Variants in SLC35D4 observed in about 807,000 individuals in gnomAD.
SLC35D4 encodes UDP-N-acetylglucosamine transporter SLC35D4.
the SLC35D4 span, among the ~76,000 whole-genome samples, chr18:23,381,187 A>G: frequency 1.3e-5 from 2 of 152,372 alleles, no homozygotes; most frequent in East Asian, 3.9e-4. Context: ...CTCATGCTTC[A>G]ACCAATGTGG....
chr18:23,271,572 T>C, the SLC35D4 span, among the ~76,000 whole-genome samples: 1 of 152,276 alleles, frequency 6.6e-6, no homozygotes, highest in South Asian at 2.1e-4. Flanking sequence ...TCCTGAGTTA[T>C]AGACAGGCCT....
chr18:23,345,481 CAAAAAAAAAAAAAAAA>C, the SLC35D4 span, among the ~76,000 whole-genome samples: 5 of 57,248 alleles, frequency 8.7e-5, no homozygotes, highest in East Asian at 1.3e-3. Context: ...GACTCCATCT[CAAAAAAAAAAAAAAAA>C]AAAAAAAAAA....
the SLC35D4 span, among the ~76,000 whole-genome samples, chr18:23,285,082 T>C: frequency 1.3e-5 from 2 of 152,212 alleles, no homozygotes; most frequent in African/African-American, 2.4e-5. Context: ...TCACCCTTAG[T>C]GGCAAGTCCT....
chr18:23,335,262 C>A, the SLC35D4 span, among the ~76,000 whole-genome samples: 1 of 152,160 alleles, frequency 6.6e-6, no homozygotes, highest in Non-Finnish European at 1.5e-5. Context: ...TGCTAAAATT[C>A]TTCCAAATTT....
the SLC35D4 span, among the ~76,000 whole-genome samples, chr18:23,309,519 T>C: frequency 6.6e-6 from 1 of 152,076 alleles, no homozygotes; most frequent in African/African-American, 2.4e-5. Context: ...ATACAAGTTT[T>C]TTTTTTTTTA....
chr18:23,363,520 G>A, the SLC35D4 span, among the ~76,000 whole-genome samples: 31 of 151,346 alleles, frequency 2.0e-4, no homozygotes, highest in African/African-American at 5.8e-4. Flanking sequence ...GACTACAGGC[G>A]CCCGCCACCA....
At chr18:23,309,068 T>C in the SLC35D4 span, among the ~76,000 whole-genome samples, 25 of 152,274 alleles carry the variant, frequency 1.6e-4, no homozygotes, top group Admixed American at 1.5e-3. Flanking sequence ...ATGTAAATGC[T>C]ATGTAAATAG....
At chr18:23,284,921 G>A in the SLC35D4 span, among the ~76,000 whole-genome samples, 25 of 152,308 alleles carry the variant, frequency 1.6e-4, no homozygotes, top group East Asian at 4.6e-3. Flanking sequence ...CAGGGGATGC[G>A]TGGGCAGGTG....
chr18:23,315,430 C>A, the SLC35D4 span, among the ~76,000 whole-genome samples: 1 of 152,200 alleles, frequency 6.6e-6, no homozygotes, highest in African/African-American at 2.4e-5. Context: ...CCCTTGCCAT[C>A]GCACATGCCA....
At chr18:23,345,481 C>CAAAAAAAAA in the SLC35D4 span, among the ~76,000 whole-genome samples, 1 of 57,246 alleles carries the variant, frequency 1.7e-5, no homozygotes, top group Admixed American at 2.5e-4. Context: ...GACTCCATCT[C>CAAAAAAAAA]AAAAAAAAAA....
At chr18:23,352,900 G>A in the SLC35D4 span, among the ~76,000 whole-genome samples, 6 of 152,218 alleles carry the variant, frequency 3.9e-5, no homozygotes, top group Non-Finnish European at 4.4e-5. Flanking sequence ...AGCATCTTGG[G>A]GCTATTCAGG....
chr18:23,403,784 A>T, the SLC35D4 span, among the ~76,000 whole-genome samples: 1 of 152,182 alleles, frequency 6.6e-6, no homozygotes, highest in Non-Finnish European at 1.5e-5. Flanking sequence ...TGGATCAAGG[A>T]TCCTTTCCTG....
At chr18:23,348,386 T>C in the SLC35D4 span, among the ~76,000 whole-genome samples, 1 of 152,242 alleles carries the variant, frequency 6.6e-6, no homozygotes, top group South Asian at 2.1e-4. Context: ...TGTACTTCTA[T>C]ATTCACGCTT....
At chr18:23,362,738 C>T in the SLC35D4 span, among the ~76,000 whole-genome samples, 3 of 152,216 alleles carry the variant, frequency 2.0e-5, no homozygotes, top group African/African-American at 4.8e-5. Flanking sequence ...CTCTGCTAGT[C>T]GCCTACTCTG....
chr18:23,241,358 C>T, the SLC35D4 span, among the ~76,000 whole-genome samples: 1 of 152,028 alleles, frequency 6.6e-6, no homozygotes, highest in Non-Finnish European at 1.5e-5. Context: ...TGATGAAACT[C>T]TGTCTCTACT....
At chr18:23,287,238 A>G in the SLC35D4 span, among the ~76,000 whole-genome samples, 1 of 151,962 alleles carries the variant, frequency 6.6e-6, no homozygotes, top group Non-Finnish European at 1.5e-5. Context: ...GTGGTGCCAA[A>G]CCCATATACT....
chr18:23,269,999 A>G, the SLC35D4 span, among the ~76,000 whole-genome samples: 3 of 152,236 alleles, frequency 2.0e-5, no homozygotes, highest in African/African-American at 7.2e-5. Context: ...AATTTGCATA[A>G]ATAACAAGGA....
the SLC35D4 span, among the ~76,000 whole-genome samples, chr18:23,250,960 A>G: frequency 1.3e-5 from 2 of 152,222 alleles, no homozygotes; most frequent in African/African-American, 2.4e-5. Context: ...CCTTGCTACT[A>G]ACTGACACCA....
the SLC35D4 span, among the ~76,000 whole-genome samples, chr18:23,418,386 T>TTA: frequency 4.4e-5 from 5 of 113,686 alleles, no homozygotes; most frequent in Non-Finnish European, 6.1e-5. Context: ...TATTATTATT[T>TTA]TTTGAGACAG....
Sources: allele counts gnomAD v4.1 joint callset (sites outside exome capture counted in the v4.1 genomes callset), GRCh38; gene constraint gnomAD v4.1.1; transcripts MANE v1.5; gene names NCBI Gene and HGNC (gene_info 2026-07-23, HGNC 2026-07-21).